Variants in RSF1 observed in about 807,000 individuals in gnomAD.
RSF1 encodes HBV pX-associated protein 8.
In RSF1, 13 loss-of-function variants were observed where a neutral mutation model predicts 145.2. The observed-to-expected ratio is 0.09, with a 90% confidence interval of 0.06 to 0.14. The LOEUF (loss-of-function observed/expected upper bound fraction) is 0.14, where lower values mean the gene tolerates loss of function less well. RSF1 is among the 10% of genes least tolerant of loss of function. RSF1 has a pLI of 1.00. For missense variants in RSF1, 1,517 were observed against 1,718.2 expected (o/e 0.88, Z 2.07); for synonymous variants, 577 against 592.6 (o/e 0.97, Z 0.38).
chr11:77,747,042 G>A lies in RSF1; in HGVS notation c.366C>T (p.Leu122=), dbSNP rs770792622. ...LEMSVECKLA[L]LKYLCECQFD... Reference sequence around the variant, plus strand: ...CAAATAATAGATTTATTACCTTTAAGAGTGCTAGTTTGCATTCAACACTCA... The same window carrying A: ...CAAATAATAGATTTATTACCTTTAAAAGTGCTAGTTTGCATTCAACACTCA... The change falls in exon 3 of 16, where the codon CTC becomes CTT. Residue 122 remains leucine, a synonymous_variant. Transcript: ENST00000308488. The A allele has an allele frequency of 6.3e-7, 1 of 1,581,430 alleles. No homozygotes were observed. The highest frequency in any genetic ancestry group is 1.1e-5 in the South Asian group (1 of 90,010).
Position 77,685,109 on chromosome 11 carries a change from G to A in RSF1, c.2951C>T (p.Pro984Leu). ...CATTACAAATCAGAAACTTACTTGT[G>A]GAGGAATGATGTTTTCAATACTGAT... ...VGISIENIIP[P>L]QEPDFSEDQE... Residue 984 changes from proline (P) to leucine (L), a missense_variant, in exon 10 of 16, where the codon CCA (proline) becomes CTA (leucine). This residue lies in a region of RSF1 where 231 missense variants were observed against 276.6 expected (regional missense o/e 0.84). Transcript: ENST00000308488. 2 of 1,534,216 alleles carry A rather than the reference G, an allele frequency of 1.3e-6. No homozygotes were observed. Among genetic ancestry groups the A allele is most frequent in the Non-Finnish European group, 1.8e-6 (2 of 1,138,308 alleles).
chr11:77,694,457 T>C (rs992213759), intron 7 of RSF1, among the ~76,000 whole-genome samples: 1 of 152,236 alleles, frequency 6.6e-6, no homozygotes, highest in Non-Finnish European at 1.5e-5. Context: ...AGTCTTATAG[T>C]TGTTTTATCG....
intron 3 of RSF1, among the ~76,000 whole-genome samples, chr11:77,743,450 T>G (rs1413977035): frequency 6.6e-6 from 1 of 152,224 alleles, no homozygotes; most frequent in Non-Finnish European, 1.5e-5. Context: ...TTGGTCAAAT[T>G]TACTCCTAAA....
Position 77,664,407 on chromosome 11 carries a change from A to G in RSF1, c.*2510T>C, listed in dbSNP as rs939911272. Reference sequence around the variant, plus strand: ...CAGCACAAGTGGTCTCCAAACCTAAATGGAATACTCAGTCTTTGAGATGGT... The same window carrying G: ...CAGCACAAGTGGTCTCCAAACCTAAGTGGAATACTCAGTCTTTGAGATGGT... On this transcript the variant is annotated 3_prime_UTR_variant, in exon 16 of 16. Transcript: ENST00000308488. 6.6e-6 allele frequency: 1 copy of G among 152,188 alleles called. No individual in the cohort carries two copies. Among genetic ancestry groups the G allele is most frequent in the African/African-American group, 2.4e-5 (1 of 41,454 alleles). The allele number at this position is 152,188 out of a possible 1,614,324, so 9.4% of individuals were successfully genotyped here. A position where few individuals can be genotyped will look rare whatever the true frequency, so the allele number is the denominator to read the frequency against.
At position 77,737,621 on chromosome 11, in the gene RSF1, G is replaced by GGGTGTGTGTGTGTGTGTGTGT. The variant is rs1491534916; in HGVS notation, c.578+3109_578+3110insACACACACACACACACACACC. On this transcript the variant is annotated intron_variant, in intron 4 of 15. Transcript: ENST00000308488. ...GAAAGAAGTTTTATGTGTTTTGGGGGGTGTGTGTGTGTGTGTGTGTGTGTG... is the reference window on the plus strand; with the variant it reads ...GAAAGAAGTTTTATGTGTTTTGGGGGGGTGTGTGTGTGTGTGTGTGTGTGTGTGTGTGTGTGTGTGTGTGTG... Among the ~76,000 whole-genome samples the GGGTGTGTGTGTGTGTGTGTGT allele has an allele frequency of 9.6e-5, 9 of 93,548 alleles. No individual in the cohort carries two copies. In the East Asian group the frequency reaches 1.1e-3, roughly 12 times the overall value. The allele number at this position is 93,548 out of a possible 152,430, so 61.4% of individuals were successfully genotyped here. A position where few individuals can be genotyped will look rare whatever the true frequency, so the allele number is the denominator to read the frequency against.
At chr11:77,696,184 G>C (rs1308641113) in intron 7 of RSF1, among the ~76,000 whole-genome samples, 17 of 152,168 alleles carry the variant, frequency 1.1e-4, no homozygotes, top group Non-Finnish European at 1.8e-4. Context: ...AAAATTACAG[G>C]TAAACTTTCA....
At chr11:77,860,936 C>T in the RSF1 span, among the ~76,000 whole-genome samples, 3 of 152,118 alleles carry the variant, frequency 2.0e-5, no homozygotes, top group Admixed American at 6.6e-5. Context: ...TTCTATACCC[C>T]TAAAATTGGA....
intron 11 of RSF1, among the ~76,000 whole-genome samples, chr11:77,682,886 G>C (rs1471666297): frequency 6.6e-6 from 1 of 152,160 alleles, no homozygotes; most frequent in East Asian, 1.9e-4. Flanking sequence ...ATGTGCAAAG[G>C]GACTAAAAGG....
chr11:77,707,726 G>C (rs1960583333), intron 5 of RSF1, among the ~76,000 whole-genome samples: 1 of 152,170 alleles, frequency 6.6e-6, no homozygotes, highest in Non-Finnish European at 1.5e-5. Context: ...GCATAAATTA[G>C]GTAAAACCAT....
intron 5 of RSF1, among the ~76,000 whole-genome samples, chr11:77,706,726 T>C (rs1043551968): frequency 5.3e-5 from 8 of 152,122 alleles, no homozygotes; most frequent in South Asian, 2.1e-4. Flanking sequence ...TACAGGTAAA[T>C]TGCGTATCAT....
At chr11:77,713,823 T>C (rs1960744706) in intron 5 of RSF1, among the ~76,000 whole-genome samples, 2 of 152,206 alleles carry the variant, frequency 1.3e-5, no homozygotes, top group South Asian at 4.1e-4. Context: ...TACCACTTAT[T>C]ATAGTGCTCA....
chr11:77,729,640 G>C (rs981227315), intron 4 of RSF1, among the ~76,000 whole-genome samples: 7 of 150,742 alleles, frequency 4.6e-5, no homozygotes, highest in Non-Finnish European at 7.4e-5. Context: ...CCAAGTATGA[G>C]CCAAGTATCT....
At chr11:77,858,569 G>C in the RSF1 span, among the ~76,000 whole-genome samples, 5 of 152,096 alleles carry the variant, frequency 3.3e-5, no homozygotes, top group Non-Finnish European at 5.9e-5. Context: ...CACCTTCCCA[G>C]CTAGCCTTAG....
chr11:77,855,317 GTTTT>G, the RSF1 span: 1 of 151,900 alleles, frequency 6.6e-6, no homozygotes, highest in African/African-American at 2.4e-5. Flanking sequence ...AAAAAGTTTT[GTTTT>G]TTTCTTTTTT....
intron 5 of RSF1, among the ~76,000 whole-genome samples, chr11:77,713,342 T>TC (rs1565157342): frequency 6.6e-6 from 1 of 152,008 alleles, no homozygotes. Context: ...TGACATTTTC[T>TC]CCCCCCGAGA....
intron 1 of RSF1, chr11:77,813,715 G>A (rs1948752954): frequency 4.8e-6 from 2 of 419,592 alleles, no homozygotes; most frequent in African/African-American, 2.0e-5. Context: ...GTTCCTCGGC[G>A]AGAGCGAACA....
chr11:77,831,862 ATT>A, the RSF1 span: 884 of 80,786 alleles, frequency 0.011, 16 homozygotes, highest in African/African-American at 0.044. Flanking sequence ...TGCCTGGCTA[ATT>A]TTTTTTTTTT....
Position 77,667,321 on chromosome 11 carries a change from C to T in RSF1, c.3922G>A (p.Glu1308Lys). ...CCATGAGCATTGTCACAACTCTCCT[C>T]CTCATCCGTCTCAATCCGGTGTAGC... ...KRLHRIETDE[E>K]ESCDNAHGDA... The change falls in exon 16 of 16, where the codon GAG (glutamate) becomes AAG (lysine). Residue 1308 changes from glutamate (E) to lysine (K), a missense_variant. Around this residue, in one of 12 missense-constraint regions of RSF1, gnomAD observed 240 missense variants for 231.8 expected, o/e 1.04. Coordinates refer to ENST00000308488, the MANE Select transcript of RSF1 (RefSeq NM_016578.4). 6.2e-7 allele frequency: 1 copy of T among 1,614,034 alleles called. No individual in the cohort carries two copies. The highest frequency in any genetic ancestry group is 8.5e-7 in the Non-Finnish European group (1 of 1,179,924).
At chr11:77,743,727 TC>T in intron 3 of RSF1, among the ~76,000 whole-genome samples, 1 of 152,224 alleles carries the variant, frequency 6.6e-6, no homozygotes, top group Non-Finnish European at 1.5e-5. Context: ...ACCTAACTGT[TC>T]TGGCTACGAC....
Sources: allele counts gnomAD v4.1 joint callset (sites outside exome capture counted in the v4.1 genomes callset), GRCh38; gene constraint gnomAD v4.1.1; regional missense constraint gnomAD v4.1.1; transcripts MANE v1.5; gene names NCBI Gene and HGNC (gene_info 2026-07-23, HGNC 2026-07-21).